The following KLF16 variants were observed in gnomAD, a reference collection of about 807,000 sequenced individuals.
The protein encoded by KLF16 is KLF transcription factor 16.
Under a neutral mutation model 6.1 loss-of-function variants are expected in KLF16, and 6 were observed. That is an observed-to-expected ratio of 0.98 (90% CI 0.54 to 1.93). The LOEUF (loss-of-function observed/expected upper bound fraction) is 1.93. Among genes scored for constraint, KLF16 ranks in the 30% most tolerant of loss-of-function variants. KLF16 has a pLI of 0.01. For synonymous variants in KLF16, 211 were observed against 176.5 expected, an observed-to-expected ratio of 1.20 and a Z score of -1.55; for missense variants, 355 against 363.8, an observed-to-expected ratio of 0.98 and a Z score of 0.20.
upstream of KLF16, among the ~76,000 whole-genome samples, chr19:1,863,956 G>T (rs1197885315): frequency 8.1e-6 from 1 of 122,864 alleles, no homozygotes; most frequent in Non-Finnish European, 1.7e-5. Context: ...GCGCGCCCCC[G>T]TACCCTTTCC....
the KLF16 span, among the ~76,000 whole-genome samples, chr19:1,873,805 G>A: frequency 6.6e-6 from 1 of 152,248 alleles, no homozygotes; most frequent in Admixed American, 6.5e-5. Context: ...AGAGGCCGAG[G>A]GTGGAAGTTG....
intron 1 of KLF16, among the ~76,000 whole-genome samples, chr19:1,860,006 G>T (rs2012030961): frequency 6.6e-6 from 1 of 152,046 alleles, no homozygotes; most frequent in Non-Finnish European, 1.5e-5. Context: ...GCGGAGGAGA[G>T]AAGCCCTGGG....
the KLF16 span, among the ~76,000 whole-genome samples, chr19:1,870,656 C>G: frequency 6.6e-6 from 1 of 151,870 alleles, no homozygotes; most frequent in Admixed American, 6.6e-5. Context: ...GCCCAGGTAA[C>G]AGGGTGACAG....
chr19:1,863,828 C>A (rs2012130722), upstream of KLF16, among the ~76,000 whole-genome samples: 1 of 145,716 alleles, frequency 6.9e-6, no homozygotes, highest in African/African-American at 2.5e-5. Context: ...AACCCGCCCC[C>A]CGGCGCGCCC....
Position 1,857,696 on chromosome 19 carries a change from G to A in KLF16, c.458-2936C>T, listed in dbSNP as rs1249780956. ...GGAGGGGGGCTGTGGCCGGCTGCCT[G>A]CCGGGGCACTCACGTCCACCTAACA... is the stretch of plus-strand genomic sequence containing the variant. On this transcript the variant is annotated intron_variant, in intron 1 of 1. Transcript: ENST00000250916. The surrounding 1 kb of genome is among the most constrained non-coding windows in gnomAD (Gnocchi z 4.7). Among the ~76,000 whole-genome samples the A allele has an allele frequency of 1.3e-5, 2 of 152,022 alleles. No homozygotes were observed. The highest frequency in any genetic ancestry group is 1.3e-4 in the Admixed American group (2 of 15,280).
chr19:1,867,652 G>A (rs553000554), upstream of KLF16, among the ~76,000 whole-genome samples: 432 of 152,238 alleles, frequency 2.8e-3, 1 homozygote, highest in African/African-American at 9.4e-3. Context: ...TATCACCTGA[G>A]GTCAGGAGTT....
the KLF16 span, chr19:1,875,488 C>T: frequency 6.6e-6 from 1 of 152,268 alleles, no homozygotes; most frequent in Non-Finnish European, 1.5e-5. Flanking sequence ...CAGGGGAGAA[C>T]TGGGCCTTGG....
chr19:1,855,421 G>A (rs536250235), intron 1 of KLF16, among the ~76,000 whole-genome samples: 1 of 152,298 alleles, frequency 6.6e-6, no homozygotes, highest in East Asian at 1.9e-4. Flanking sequence ...TCACAGGGAG[G>A]GGAGGGGGCG....
the KLF16 span, chr19:1,875,214 G>T: frequency 6.6e-6 from 1 of 152,148 alleles, no homozygotes; most frequent in Admixed American, 6.5e-5. Flanking sequence ...AAAACGGTTT[G>T]TACAAGCAAT....
intron 1 of KLF16, among the ~76,000 whole-genome samples, chr19:1,855,069 G>A (rs2011920790): frequency 6.6e-6 from 1 of 152,278 alleles, no homozygotes; most frequent in African/African-American, 2.4e-5. Context: ...AAGCTCCCCA[G>A]GCCCTCGCAG....
intron 1 of KLF16, among the ~76,000 whole-genome samples, chr19:1,858,194 G>A (rs2011993291): frequency 6.6e-6 from 1 of 152,048 alleles, no homozygotes; most frequent in African/African-American, 2.4e-5. Flanking sequence ...TCACCTTCGG[G>A]ATCCGTCCAG....
chr19:1,872,633 C>A, the KLF16 span, among the ~76,000 whole-genome samples: 1 of 152,202 alleles, frequency 6.6e-6, no homozygotes, highest in Non-Finnish European at 1.5e-5. Context: ...TCTGGTCTGG[C>A]GGGAGGTGCT....
rs544974202 is a variant in KLF16 at position 1,854,341 on chromosome 19, G to A, written c.*118C>T. 464 of 1,242,112 alleles carry A rather than the reference G, an allele frequency of 3.7e-4. 7 individuals are homozygous for A. In the African/African-American group the frequency reaches 6.2e-3, roughly 17 times the overall value. 76.9% of individuals were successfully genotyped at this position (1,242,112 alleles called of 1,614,324 possible). A position where few individuals can be genotyped will look rare whatever the true frequency, so the allele number is the denominator to read the frequency against. On this transcript the variant is annotated 3_prime_UTR_variant, in exon 2 of 2. Coordinates refer to ENST00000250916, the MANE Select transcript of KLF16 (RefSeq NM_031918.4). Reference sequence around the variant, plus strand: ...CCCCCTCCTCACTCTCTGGAGGGGGGCAGGGGTGTCTTCAGGGTTTGCCCA... The same window carrying A: ...CCCCCTCCTCACTCTCTGGAGGGGGACAGGGGTGTCTTCAGGGTTTGCCCA...
chr19:1,870,148 T>C, the KLF16 span, among the ~76,000 whole-genome samples: 1 of 150,674 alleles, frequency 6.6e-6, no homozygotes, highest in Non-Finnish European at 1.5e-5. Context: ...GCCAGGCTGG[T>C]CTCGAACTGC....
At chr19:1,863,646 G>C (rs957547899), upstream of KLF16, 1 of 176,672 alleles carries the variant, frequency 5.7e-6, no homozygotes, top group African/African-American at 2.5e-5. Context: ...CGCTCGGCCT[G>C]CCCCGCCCCG....
chr19:1,855,660 C>G (rs1190648738), intron 1 of KLF16, among the ~76,000 whole-genome samples: 2 of 152,258 alleles, frequency 1.3e-5, no homozygotes, highest in Non-Finnish European at 2.9e-5. Context: ...GCCACCCGAC[C>G]CCTTCCTTTA....
At chr19:1,858,949 C>T (rs539662760) in intron 1 of KLF16, among the ~76,000 whole-genome samples, 11 of 152,170 alleles carry the variant, frequency 7.2e-5, no homozygotes, top group East Asian at 1.9e-4. Flanking sequence ...GGGTGGTTAT[C>T]GCCCCCCACA....
At position 1,854,229 on chromosome 19, in the gene KLF16, G is replaced by A. The variant is rs2011898291; in HGVS notation, c.*230C>T. On this transcript the variant is annotated 3_prime_UTR_variant, in exon 2 of 2. Coordinates refer to ENST00000250916, the MANE Select transcript of KLF16 (RefSeq NM_031918.4). ...CGTTGCACAGATGGGAAGAAAGTTA[G>A]TATCATGGCTATTTACAGACACAAG... The A allele has an allele frequency of 2.1e-6, 1 of 476,792 alleles. No homozygotes were observed. The highest frequency in any genetic ancestry group is 3.5e-6 in the Non-Finnish European group (1 of 286,876). 29.5% of individuals were successfully genotyped at this position (476,792 alleles called of 1,614,324 possible).
chr19:1,866,775 C>CAAAAAA (rs10672007), upstream of KLF16, among the ~76,000 whole-genome samples: 42 of 86,816 alleles, frequency 4.8e-4, 1 homozygote, highest in African/African-American at 1.8e-3. Flanking sequence ...GACCCTGTCT[C>CAAAAAA]AAAAAAAAAA....
Sources: gnomAD v4.1 joint callset for allele counts (sites outside exome capture counted in the v4.1 genomes callset) on GRCh38, gnomAD v4.1.1 for gene constraint, Gnocchi (gnomAD v3.1) non-coding constraint, MANE v1.5 for transcripts, NCBI Gene and HGNC (gene_info 2026-07-23, HGNC 2026-07-21) for gene names.